Variants in ROBO1 observed in about 807,000 individuals in gnomAD.
The protein encoded by ROBO1 is roundabout guidance receptor 1.
Under a neutral mutation model 195.9 loss-of-function variants are expected in ROBO1, and 149 were observed. That is an observed-to-expected ratio of 0.76 (90% CI 0.67 to 0.87). ROBO1 has a LOEUF of 0.87. Ranked by LOEUF, ROBO1 falls within the 40% of genes least tolerant of loss-of-function variation. The pLI, the probability that ROBO1 is intolerant of heterozygous loss-of-function variation, is 0.00. For missense variants in ROBO1, 1,933 were observed against 2,068.3 expected, an observed-to-expected ratio of 0.93 and a Z score of 1.27; for synonymous variants, 816 against 733.2, an observed-to-expected ratio of 1.11 and a Z score of -1.82.
At chr3:78,961,279 A>G (rs2041333429) in intron 3 of ROBO1, among the ~76,000 whole-genome samples, 1 of 152,186 alleles carries the variant, frequency 6.6e-6, no homozygotes, top group Admixed American at 6.5e-5. Context: ...GGAGAGATGA[A>G]TCAAAATTTT....
intron 5 of ROBO1, among the ~76,000 whole-genome samples, chr3:78,743,065 C>T (rs2082571113): frequency 6.6e-6 from 1 of 152,092 alleles, no homozygotes. Context: ...AACACATACA[C>T]AAGCATACAC....
At chr3:78,899,494 A>T (rs2037454720) in intron 4 of ROBO1, among the ~76,000 whole-genome samples, 1 of 152,236 alleles carries the variant, frequency 6.6e-6, no homozygotes, top group Non-Finnish European at 1.5e-5. Flanking sequence ...TCTAACTTAT[A>T]TAATCCTATA....
chr3:79,491,222 C>CTT (rs10612189), intron 2 of ROBO1, among the ~76,000 whole-genome samples: 7 of 144,260 alleles, frequency 4.9e-5, no homozygotes, highest in Non-Finnish European at 1.1e-4. Flanking sequence ...GGGATCGGCT[C>CTT]TTTTTTTTTT....
At chr3:78,849,675 G>C (rs1325833678) in intron 4 of ROBO1, among the ~76,000 whole-genome samples, 1 of 152,016 alleles carries the variant, frequency 6.6e-6, no homozygotes, top group Non-Finnish European at 1.5e-5. Flanking sequence ...TACATAAGAT[G>C]TAAGAGTAAA....
intron 2 of ROBO1, among the ~76,000 whole-genome samples, chr3:79,341,154 A>C (rs1273464196): frequency 6.6e-6 from 1 of 152,346 alleles, no homozygotes; most frequent in East Asian, 1.9e-4. Context: ...CTGAAAATAA[A>C]TCTGATTGTA....
At chr3:78,599,233 C>T (rs113963154) in intron 30 of ROBO1, among the ~76,000 whole-genome samples, 2,197 of 152,206 alleles carry the variant, frequency 0.014, 52 homozygotes, top group South Asian at 0.05. Flanking sequence ...GTCAACATTA[C>T]AACTCTGCTT....
At chr3:78,903,680 C>T (rs1008847232) in intron 4 of ROBO1, among the ~76,000 whole-genome samples, 4 of 151,806 alleles carry the variant, frequency 2.6e-5, no homozygotes, top group African/African-American at 7.3e-5. Flanking sequence ...TTTATTTATT[C>T]GACAGTTCAT....
intron 2 of ROBO1, among the ~76,000 whole-genome samples, chr3:79,397,772 A>C (rs145314823): frequency 6.6e-6 from 1 of 152,298 alleles, no homozygotes; most frequent in Non-Finnish European, 1.5e-5. Flanking sequence ...AAGGCTCGCT[A>C]GTTAAATCTC....
chr3:79,742,447 A>G (rs1703688666), intron 1 of ROBO1, among the ~76,000 whole-genome samples: 1 of 152,114 alleles, frequency 6.6e-6, no homozygotes, highest in South Asian at 2.1e-4. Context: ...GCAGCCACCA[A>G]GGTTTCCCTG....
intron 2 of ROBO1, among the ~76,000 whole-genome samples, chr3:79,515,406 C>T (rs1030340729): frequency 6.6e-6 from 1 of 152,190 alleles, no homozygotes; most frequent in Non-Finnish European, 1.5e-5. Context: ...AATAGCTGAG[C>T]TGGCATGTGA....
intron 4 of ROBO1, among the ~76,000 whole-genome samples, chr3:78,906,314 C>T (rs1465605977): frequency 6.6e-6 from 1 of 152,074 alleles, no homozygotes; most frequent in Non-Finnish European, 1.5e-5. Flanking sequence ...TGTGAGCCAC[C>T]TCAATGGACA....
chr3:78,891,559 T>C (rs1175420287), intron 4 of ROBO1, among the ~76,000 whole-genome samples: 2 of 152,148 alleles, frequency 1.3e-5, no homozygotes, highest in Non-Finnish European at 2.9e-5. Context: ...GCTAAACATA[T>C]ACTTAAGACA....
chr3:79,125,625 T>C, intron 2 of ROBO1, 86 bp from the exon 3 acceptor site: 1 of 963,610 alleles, frequency 1.0e-6, no homozygotes, highest in Non-Finnish European at 1.6e-6. Flanking sequence ...CAGACACAAG[T>C]AAATCCACAT....
At chr3:78,806,144 T>A (rs921566833) in intron 4 of ROBO1, among the ~76,000 whole-genome samples, 3 of 152,028 alleles carry the variant, frequency 2.0e-5, no homozygotes, top group African/African-American at 7.2e-5. Flanking sequence ...TTTTAAGTTT[T>A]ATTTTTTTTT....
intron 2 of ROBO1, among the ~76,000 whole-genome samples, chr3:79,491,116 G>A (rs1322378807): frequency 6.6e-6 from 1 of 152,058 alleles, no homozygotes; most frequent in African/African-American, 2.4e-5. Context: ...GGCTTCAACA[G>A]TGAAATAACT....
At chr3:78,890,602 A>G (rs1342012329) in intron 4 of ROBO1, among the ~76,000 whole-genome samples, 2 of 152,042 alleles carry the variant, frequency 1.3e-5, no homozygotes, top group African/African-American at 2.4e-5. Flanking sequence ...TAGCAAAAGG[A>G]TATTTTTTTG....
intron 4 of ROBO1, among the ~76,000 whole-genome samples, chr3:78,885,476 A>G (rs1487394250): frequency 1.3e-5 from 2 of 151,574 alleles, no homozygotes; most frequent in African/African-American, 4.8e-5. Flanking sequence ...TCTTGAAATA[A>G]AAGTTCCCCA....
Position 78,962,133 on chromosome 3 carries a change from A to C in ROBO1, c.173-23206T>G, listed in dbSNP as rs576642038. Among the ~76,000 whole-genome samples, 5 of 152,128 alleles carry C rather than the reference A, an allele frequency of 3.3e-5. No individual in the cohort carries two copies. In the South Asian group the frequency reaches 1.0e-3, roughly 32 times the overall value. On this transcript the variant is annotated intron_variant, in intron 3 of 30. Coordinates refer to ENST00000464233, the MANE Select transcript of ROBO1 (RefSeq NM_002941.4). Reference sequence around the variant, plus strand: ...AGTTGACAACAAATAATCCCCTCTCACTAGAACCAGGATCCTGTTCTAACT... The same window carrying C: ...AGTTGACAACAAATAATCCCCTCTCCCTAGAACCAGGATCCTGTTCTAACT...
intron 2 of ROBO1, among the ~76,000 whole-genome samples, chr3:79,331,182 CATAA>C (rs2034425116): frequency 6.6e-6 from 1 of 152,150 alleles, no homozygotes; most frequent in Non-Finnish European, 1.5e-5. Flanking sequence ...AATGCTTCAG[CATAA>C]ATAAGTTATG....
Sources: allele counts gnomAD v4.1 joint callset (sites outside exome capture counted in the v4.1 genomes callset), GRCh38; gene constraint gnomAD v4.1.1; transcripts MANE v1.5; gene names NCBI Gene and HGNC (gene_info 2026-07-23, HGNC 2026-07-21).